IFT43: variants seen among roughly 807,000 people sequenced by gnomAD.
The protein encoded by IFT43 is intraflagellar transport protein 43 homolog.
In IFT43, 33 loss-of-function variants were observed where a neutral mutation model predicts 32.3. The observed-to-expected ratio is 1.02, with a 90% CI of 0.77 to 1.37. The LOEUF is 1.37. Ranked by LOEUF, IFT43 falls within the 40% of genes most tolerant of loss-of-function variation. The pLI is 0.00. For missense variants in IFT43, 274 were observed against 265.9 expected (o/e 1.03, Z -0.21); for synonymous variants, 93 against 98.2 (o/e 0.95, Z 0.31).
chr14:76,051,242 A>T (rs1015537065), intron 3 of IFT43, among the ~76,000 whole-genome samples: 1 of 148,632 alleles, frequency 6.7e-6, no homozygotes, highest in Non-Finnish European at 1.5e-5. Context: ...TGCTAAACAC[A>T]TGAGTGGCAA....
intron 7 of IFT43, 135 bp from the exon 8 acceptor site, chr14:76,083,092 C>T: frequency 1.1e-6 from 1 of 875,910 alleles, no homozygotes; most frequent in Non-Finnish European, 1.9e-6. Flanking sequence ...TGATTTTACT[C>T]TCTTGTGAAG....
chr14:75,986,246 C>A, intron 1 of IFT43: 1 of 1,290,470 alleles, frequency 7.7e-7, no homozygotes, highest in Non-Finnish European at 1.0e-6. Context: ...CGCAGAAGTT[C>A]CTGCAAAAGC....
chr14:76,014,031 C>A, intron 2 of IFT43: 1 of 242,248 alleles, frequency 4.1e-6, no homozygotes, highest in East Asian at 9.7e-5. Flanking sequence ...ACCCCCAGCC[C>A]GAGCACCCAT....
In IFT43 at chr14:76,066,025, A is replaced by G. The variant is rs541744638; in HGVS notation, c.295+6652A>G. Among the ~76,000 whole-genome samples, 5 of 152,338 alleles carry G rather than the reference A, an allele frequency of 3.3e-5. No homozygotes were observed. The South Asian group carries it at 8.3e-4, about 25-fold the overall frequency. On this transcript the variant is annotated intron_variant, in intron 5 of 8. Transcript: ENST00000314067. ...GGGTCTGAATATGGACCTTGACCTCAGGGCCCTCGTTCTTAGCCTCCAGGC... is the reference window on the plus strand; with the variant it reads ...GGGTCTGAATATGGACCTTGACCTCGGGGCCCTCGTTCTTAGCCTCCAGGC...
intron 2 of IFT43, among the ~76,000 whole-genome samples, chr14:75,995,959 G>T (rs777258828): frequency 2.0e-5 from 3 of 152,188 alleles, no homozygotes; most frequent in Non-Finnish European, 4.4e-5. Flanking sequence ...CCGCTGTGTG[G>T]GAGGGAATGT....
intron 3 of IFT43, among the ~76,000 whole-genome samples, chr14:76,027,013 T>C (rs533715616): frequency 3.0e-4 from 46 of 152,248 alleles, no homozygotes; most frequent in African/African-American, 1.0e-3. Context: ...TTCTCACTTA[T>C]AAGTGGAAGC....
In IFT43 at chr14:76,083,641, G is replaced by A. The variant is rs1268658272; in HGVS notation, c.*64G>A. 3 of 1,524,914 alleles carry A rather than the reference G, an allele frequency of 2.0e-6. No individual in the cohort carries two copies. Among genetic ancestry groups the A allele is most frequent in the Non-Finnish European group, 2.7e-6 (3 of 1,105,476 alleles). 94.5% of individuals were successfully genotyped at this position (1,524,914 alleles called of 1,614,324 possible). On this transcript the variant is annotated 3_prime_UTR_variant, in exon 9 of 9. Coordinates refer to ENST00000314067, the MANE Select transcript of IFT43 (RefSeq NM_001102564.3). ...AGCTTAAAGCTAAAGAAGCTTGTAAGCAGCTCCGAATTTTTACCTGGAATA... is the reference window on the plus strand; with the variant it reads ...AGCTTAAAGCTAAAGAAGCTTGTAAACAGCTCCGAATTTTTACCTGGAATA...
intron 5 of IFT43, among the ~76,000 whole-genome samples, chr14:76,061,094 G>A (rs2037126331): frequency 6.6e-6 from 1 of 152,084 alleles, no homozygotes; most frequent in Non-Finnish European, 1.5e-5. Context: ...TAGAGACAGA[G>A]TTTTACCATG....
intron 2 of IFT43, among the ~76,000 whole-genome samples, chr14:76,011,915 TAC>T (rs2036093488): frequency 6.6e-6 from 1 of 152,212 alleles, no homozygotes; most frequent in Non-Finnish European, 1.5e-5. Context: ...CATACCGTAT[TAC>T]TATCAGTCTT....
chr14:76,066,717 G>A (rs549407110), intron 5 of IFT43, among the ~76,000 whole-genome samples: 1 of 152,320 alleles, frequency 6.6e-6, no homozygotes, highest in South Asian at 2.1e-4. Flanking sequence ...ATCACATCCA[G>A]GCTCTTTGAG....
chr14:76,083,113 A>C, intron 7 of IFT43, 114 bp from the exon 8 acceptor site: 3 of 1,035,244 alleles, frequency 2.9e-6, no homozygotes, highest in Non-Finnish European at 4.5e-6. Context: ...GCATTCCTGC[A>C]GGTCTCAGTT....
At chr14:76,034,599 T>C (rs2036566357) in intron 3 of IFT43, among the ~76,000 whole-genome samples, 1 of 152,256 alleles carries the variant, frequency 6.6e-6, no homozygotes, top group African/African-American at 2.4e-5. Context: ...AGAAGGGCTG[T>C]TTATGAATCT....
chr14:76,045,561 C>T (rs1396216992), intron 3 of IFT43, among the ~76,000 whole-genome samples: 1 of 152,096 alleles, frequency 6.6e-6, no homozygotes, highest in African/African-American at 2.4e-5. Context: ...GCTTAGCAGC[C>T]CGGGGCTGTA....
At chr14:76,021,045 C>T (rs960339349) in intron 2 of IFT43, among the ~76,000 whole-genome samples, 17 of 152,184 alleles carry the variant, frequency 1.1e-4, no homozygotes, top group African/African-American at 3.1e-4. Context: ...CAGGGCAGAA[C>T]GGTCCTTTAG....
At chr14:76,010,065 A>G (rs1032268818) in intron 2 of IFT43, among the ~76,000 whole-genome samples, 1 of 152,158 alleles carries the variant, frequency 6.6e-6, no homozygotes, top group African/African-American at 2.4e-5. Context: ...AAAGGCTGGG[A>G]TTGCAGGCGT....
At chr14:76,053,482 C>A (rs949095780) in intron 3 of IFT43, among the ~76,000 whole-genome samples, 1 of 152,136 alleles carries the variant, frequency 6.6e-6, no homozygotes, top group South Asian at 2.1e-4. Context: ...GCAAGACAAC[C>A]GCCTTCACCT....
intron 3 of IFT43, among the ~76,000 whole-genome samples, chr14:76,044,583 C>T (rs1199958435): frequency 6.6e-6 from 1 of 152,212 alleles, no homozygotes; most frequent in Non-Finnish European, 1.5e-5. Flanking sequence ...CAACCTTCAG[C>T]CCATCTCCTC....
Position 76,068,702 on chromosome 14 carries a change from G to A in IFT43, c.295+9329G>A, listed in dbSNP as rs565536120. On this transcript the variant is annotated intron_variant, in intron 5 of 8. Transcript: ENST00000314067. ...AGTCCTTTAGACTTCTTCTGTCATG[G>A]AAAGTTGTATGGTGTTAGAGAAAGA... 3.9e-5 allele frequency among the ~76,000 whole-genome samples: 6 copies of A among 152,322 alleles called. No homozygotes were observed. The South Asian group carries it at 1.2e-3, about 32-fold the overall frequency.
intron 3 of IFT43, among the ~76,000 whole-genome samples, chr14:76,044,656 CCCCCA>C (rs2036771541): frequency 6.6e-6 from 1 of 152,096 alleles, no homozygotes. Flanking sequence ...TCCAGGAGTC[CCCCCA>C]TTCATCTATC....
Sources: gnomAD v4.1 joint callset for allele counts (sites outside exome capture counted in the v4.1 genomes callset) on GRCh38, gnomAD v4.1.1 for gene constraint, MANE v1.5 for transcripts, NCBI Gene and HGNC (gene_info 2026-07-23, HGNC 2026-07-21) for gene names.